RAP1GAP2: variants seen among roughly 807,000 people sequenced by gnomAD.
RAP1GAP2 encodes RAP1 GTPase activating protein 2, also known as rap1 GTPase-activating protein 2.
RAP1GAP2 carries 27 observed loss-of-function variants against 95.0 expected under a neutral mutation model. The ratio of observed to expected loss-of-function variants is 0.28; its 90% CI spans 0.21 to 0.39. The LOEUF (loss-of-function observed/expected upper bound fraction) is 0.39, where lower values mean the gene tolerates loss of function less well. Among genes scored for constraint, RAP1GAP2 ranks in the 10% least tolerant of loss-of-function variants. The pLI is 1.00. For synonymous variants in RAP1GAP2, 373 were observed against 380.9 expected, an observed-to-expected ratio of 0.98 and a Z score of 0.24; for missense variants, 771 against 970.0, an observed-to-expected ratio of 0.79 and a Z score of 2.72.
chr17:2,934,251 C>A (rs538715278), intron 3 of RAP1GAP2, among the ~76,000 whole-genome samples: 2 of 152,206 alleles, frequency 1.3e-5, no homozygotes, highest in African/African-American at 4.8e-5. Flanking sequence ...CCTGACTCAG[C>A]CTCCTGAGTA....
Position 3,029,045 on chromosome 17 carries a change from A to G in RAP1GAP2, c.2108-1877A>G, listed in dbSNP as rs1317625885. Among the ~76,000 whole-genome samples, 3 of 151,920 alleles carry G rather than the reference A, an allele frequency of 2.0e-5. No homozygotes were observed. The highest frequency in any genetic ancestry group is 7.3e-5 in the African/African-American group (3 of 41,348). On this transcript the variant is annotated intron_variant, in intron 22 of 24. Transcript: ENST00000254695. The surrounding 1 kb of genome is among the most constrained non-coding windows in gnomAD (Gnocchi z 4.4). ...GAACTCCTGACCTCGTGATCCACCC[A>G]CCTCGGCCTCCCAAAGTGCTGGGAT... is the stretch of plus-strand genomic sequence containing the variant.
chr17:2,841,745 A>G lies in RAP1GAP2; in HGVS notation c.80+41195A>G, dbSNP rs571216057. On this transcript the variant is annotated intron_variant, in intron 2 of 24. Transcript: ENST00000254695. ...TGTCATCTCCTGGCCTGTTTCCCAA[A>G]TCCCCTTAAGACAAGGAACAGGAAG... 2.0e-5 allele frequency among the ~76,000 whole-genome samples: 3 copies of G among 152,308 alleles called. No homozygotes were observed. In the South Asian group the frequency reaches 6.2e-4, roughly 32 times the overall value.
intron 18 of RAP1GAP2, 51 bp downstream of exon 18, chr17:3,018,249 C>G (rs374669627): frequency 9.9e-6 from 15 of 1,519,598 alleles, no homozygotes; most frequent in Middle Eastern, 2.1e-4. Context: ...GGAGGCCCCC[C>G]CCAGACCTAT....
rs542087298 is a variant in RAP1GAP2, at chr17:2,825,574, T to C, written c.80+25024T>C. On this transcript the variant is annotated intron_variant, in intron 2 of 24. Transcript: ENST00000254695. This position sits in a 1 kb window ranked among gnomAD's most constrained non-coding sequence, Gnocchi z 4.1. ...TCTGCCACTCACTGCTGGGGTTACC[T>C]TGGGCAACCGTCTGAACCTCTCTGA... Among the ~76,000 whole-genome samples the C allele has an allele frequency of 1.2e-3, 189 of 152,264 alleles. No homozygotes were observed. The highest frequency in any genetic ancestry group is 2.2e-3 in the African/African-American group (92 of 41,576).
In RAP1GAP2 at chr17:3,036,815, G is replaced by A. The variant is rs2047477682; in HGVS notation, c.*3454G>A. 6.6e-6 allele frequency: 1 copy of A among 152,658 alleles called. No individual in the cohort carries two copies. The highest frequency in any genetic ancestry group is 2.1e-4 in the South Asian group (1 of 4,832). 9.5% of individuals were successfully genotyped at this position (152,658 alleles called of 1,614,324 possible). On this transcript the variant is annotated 3_prime_UTR_variant, in exon 25 of 25. Coordinates refer to ENST00000254695, the MANE Select transcript of RAP1GAP2 (RefSeq NM_015085.5). The stretch of plus-strand genomic sequence containing the variant: ...AGGCTCCCGTGACAAGGCAGGACAA[G>A]AGCCTGTTTCGCTTTCCTCCCTGAC...
intron 10 of RAP1GAP2, among the ~76,000 whole-genome samples, chr17:2,982,360 G>A (rs2045395999): frequency 6.6e-6 from 1 of 152,194 alleles, no homozygotes; most frequent in Non-Finnish European, 1.5e-5. Flanking sequence ...GGCTGGTCTC[G>A]AACTGACCTC....
chr17:2,780,389 C>T (rs2068617078), intron 1 of RAP1GAP2, among the ~76,000 whole-genome samples: 2 of 152,198 alleles, frequency 1.3e-5, no homozygotes, highest in Non-Finnish European at 2.9e-5. Context: ...GTCCACCTGC[C>T]CCTCCCAGGC....
upstream of RAP1GAP2, among the ~76,000 whole-genome samples, chr17:2,776,804 G>A (rs2068511312): frequency 6.6e-6 from 1 of 150,406 alleles, no homozygotes; most frequent in Admixed American, 6.6e-5. Flanking sequence ...CAGGACTGCT[G>A]CGAGGGACCC....
chr17:3,031,740 CGAAT>C (rs2047312252), intron 23 of RAP1GAP2, among the ~76,000 whole-genome samples: 2 of 147,600 alleles, frequency 1.4e-5, no homozygotes, highest in African/African-American at 5.1e-5. Context: ...TCCTGGGTCC[CGAAT>C]CCCTTCCTGA....
chr17:2,858,571 C>T (rs1260811273), intron 2 of RAP1GAP2, among the ~76,000 whole-genome samples: 1 of 152,076 alleles, frequency 6.6e-6, no homozygotes, highest in Non-Finnish European at 1.5e-5. Flanking sequence ...ATCTCAGGTA[C>T]TAGATCATTT....
chr17:2,822,795 T>G (rs972689033), intron 2 of RAP1GAP2, among the ~76,000 whole-genome samples: 2 of 151,932 alleles, frequency 1.3e-5, no homozygotes, highest in Non-Finnish European at 2.9e-5. Context: ...CATGTTGGTG[T>G]GCTGCACCCA....
intron 12 of RAP1GAP2, among the ~76,000 whole-genome samples, chr17:2,992,223 C>T (rs576871339): frequency 1.3e-3 from 188 of 144,048 alleles, no homozygotes; most frequent in African/African-American, 4.6e-3. Flanking sequence ...TGCAGTGGTG[C>T]GATCTTGACT....
At chr17:2,936,480 C>CCT (rs1346867419) in intron 3 of RAP1GAP2, among the ~76,000 whole-genome samples, 1 of 151,854 alleles carries the variant, frequency 6.6e-6, no homozygotes, top group Non-Finnish European at 1.5e-5. Context: ...CTTCTTCCTC[C>CCT]CTCTTCCTCT....
rs1362329867 is a variant in RAP1GAP2 at position 2,800,522 on chromosome 17, A to G, written c.52A>G (p.Lys18Glu). The change falls in exon 2 of 25, where the codon AAG becomes GAG. Residue 18 changes from lysine to glutamate, a missense_variant. Transcript: ENST00000254695. ...VSFGGFGWID[K>E]TMLASLKVKK... ...TTGCTTTTCTCTTGGCAGGATCGAC[A>G]AGACCATGCTGGCAAGTCTGAAGGT... 6.2e-7 allele frequency: 1 copy of G among 1,612,930 alleles called. No individual in the cohort carries two copies. Among genetic ancestry groups the G allele is most frequent in the Admixed American group, 1.7e-5 (1 of 59,868 alleles).
chr17:2,942,835 T>C lies in RAP1GAP2; in HGVS notation c.166-14924T>C, dbSNP rs375180415. 2.4e-3 allele frequency among the ~76,000 whole-genome samples: 361 copies of C among 152,264 alleles called. 2 individuals carry two copies. Among genetic ancestry groups the C allele is most frequent in the African/African-American group, 7.4e-3 (309 of 41,548 alleles). ...CAGGCTGGAGTGAAGTGGTGTGATATTGGCTCACTGCAACCTCCGCCTCCT... is the reference window on the plus strand; with the variant it reads ...CAGGCTGGAGTGAAGTGGTGTGATACTGGCTCACTGCAACCTCCGCCTCCT... On this transcript the variant is annotated intron_variant, in intron 3 of 24. Coordinates refer to ENST00000254695, the MANE Select transcript of RAP1GAP2 (RefSeq NM_015085.5).
At chr17:2,781,603 T>A (rs71359179) in intron 1 of RAP1GAP2, among the ~76,000 whole-genome samples, 5,283 of 104,084 alleles carry the variant, frequency 0.051, 99 homozygotes, top group Middle Eastern at 0.075. Context: ...TCTCTGTGTG[T>A]GCAGGTCTCT....
chr17:2,974,739 A>C (rs932442517), intron 8 of RAP1GAP2, among the ~76,000 whole-genome samples: 1 of 152,174 alleles, frequency 6.6e-6, no homozygotes, highest in Non-Finnish European at 1.5e-5. Context: ...GAGAGAATAC[A>C]ATCTTAGAGT....
intron 3 of RAP1GAP2, among the ~76,000 whole-genome samples, chr17:2,915,515 G>A (rs773119637): frequency 1.3e-5 from 2 of 151,908 alleles, no homozygotes; most frequent in African/African-American, 2.4e-5. Flanking sequence ...TATTACAGGC[G>A]TGAGCCAACG....
rs755194205 is a variant in RAP1GAP2 at position 3,005,897 on chromosome 17, A to C, written c.1273-58A>C. 9.3e-6 allele frequency: 14 copies of C among 1,510,208 alleles called. No homozygotes were observed. Among genetic ancestry groups the C allele is most frequent in the Non-Finnish European group, 1.3e-5 (14 of 1,085,806 alleles). 93.6% of individuals were successfully genotyped at this position (1,510,208 alleles called of 1,614,324 possible). A position where few individuals can be genotyped will look rare whatever the true frequency, so the allele number is the denominator to read the frequency against. On this transcript the variant is annotated intron_variant, in intron 15 of 24. Transcript: ENST00000254695. The surrounding 1 kb of genome is among the most constrained non-coding windows in gnomAD (Gnocchi z 5.2). ...CTCTGCCTGCCTGTCACTGTGGCTG[A>C]AGACCTTCTGGCAACAGCCGAGAGT...
Sources: gnomAD v4.1 joint callset for allele counts (sites outside exome capture counted in the v4.1 genomes callset) on GRCh38, gnomAD v4.1.1 for gene constraint, Gnocchi (gnomAD v3.1) non-coding constraint, MANE v1.5 for transcripts, NCBI Gene and HGNC (gene_info 2026-07-23, HGNC 2026-07-21) for gene names.